Variants in POLN observed in about 807,000 individuals in gnomAD.
POLN encodes the protein DNA polymerase N.
A neutral mutation model predicts 113.5 loss-of-function variants in POLN; 108 were observed. That is an observed-to-expected ratio of 0.95 (90% CI 0.81 to 1.12). The LOEUF (loss-of-function observed/expected upper bound fraction) is 1.12, where lower values mean the gene tolerates loss of function less well. Ranked by LOEUF, POLN falls within the 50% of genes most tolerant of loss-of-function variation. The pLI is 0.00. For synonymous variants in POLN, 386 were observed against 391.5 expected, an observed-to-expected ratio of 0.99 and a Z score of 0.17; for missense variants, 1,097 against 1,077.1, an observed-to-expected ratio of 1.02 and a Z score of -0.26.
chr4:2,142,513 G>GT (rs1419235281), intron 16 of POLN, among the ~76,000 whole-genome samples: 2 of 152,216 alleles, frequency 1.3e-5, no homozygotes, highest in African/African-American at 4.8e-5. Flanking sequence ...CTGGGCAAGT[G>GT]TAAGAGACTC....
intron 19 of POLN, among the ~76,000 whole-genome samples, chr4:2,112,820 C>T: frequency 6.6e-6 from 1 of 152,166 alleles, no homozygotes; most frequent in East Asian, 1.9e-4. Context: ...TTGTGGAAGT[C>T]AGTGTGGCGA....
intron 15 of POLN, 45 bp from the exon 16 acceptor site, chr4:2,156,898 G>T (rs754386806): frequency 1.3e-6 from 2 of 1,489,028 alleles, no homozygotes; most frequent in African/African-American, 1.4e-5. Flanking sequence ...GCAATGCTAT[G>T]TGAAGTTAAG....
intron 19 of POLN, among the ~76,000 whole-genome samples, chr4:2,119,162 C>T (rs927312192): frequency 6.6e-6 from 1 of 152,172 alleles, no homozygotes; most frequent in African/African-American, 2.4e-5. Flanking sequence ...CAGAGAAGCA[C>T]TCCAAAACCA....
intron 16 of POLN, among the ~76,000 whole-genome samples, chr4:2,133,724 T>C (rs890796240): frequency 6.6e-6 from 1 of 152,208 alleles, no homozygotes. Flanking sequence ...TTGTTTCAGG[T>C]CAGCATCTCT....
intron 13 of POLN, among the ~76,000 whole-genome samples, chr4:2,160,558 C>A (rs974992829): frequency 2.0e-5 from 3 of 152,072 alleles, no homozygotes; most frequent in African/African-American, 4.8e-5. Context: ...CAGGTGCACA[C>A]AACCATGTCT....
chr4:2,114,040 T>C (rs1198446434), intron 19 of POLN, among the ~76,000 whole-genome samples: 4 of 151,440 alleles, frequency 2.6e-5, no homozygotes, highest in South Asian at 2.1e-4. Flanking sequence ...GCCTGCACTA[T>C]AGGCACACAC....
intron 20 of POLN, among the ~76,000 whole-genome samples, chr4:2,092,079 G>C (rs1730680253): frequency 2.0e-5 from 3 of 152,182 alleles, no homozygotes; most frequent in Admixed American, 2.0e-4. Flanking sequence ...CCTGGGCTGG[G>C]TCCCTCCCCT....
intron 21 of POLN, among the ~76,000 whole-genome samples, chr4:2,083,837 G>C (rs926772738): frequency 6.6e-6 from 1 of 152,286 alleles, no homozygotes; most frequent in African/African-American, 2.4e-5. Flanking sequence ...TGGAGGAAGA[G>C]CGGTGGAGGC....
intron 21 of POLN, among the ~76,000 whole-genome samples, chr4:2,084,486 C>T (rs1314416250): frequency 3.3e-5 from 5 of 152,342 alleles, no homozygotes; most frequent in African/African-American, 1.2e-4. Context: ...GTAAGCTCCA[C>T]GGGAGCAAGC....
In POLN at chr4:2,080,960, G is replaced by A. The variant is rs764782893; in HGVS notation, c.2385C>T (p.Ala795=). The change falls in exon 23 of 26, where the codon GCC becomes GCT. Residue 795 remains alanine, a splice_region_variant and synonymous_variant. Transcript: ENST00000511885. ...CTGGGAGACCACCACCCACTGACCT[G>A]GCCGTCAAGGTGTGGGAAGCAGCCA... The part of the protein sequence containing the change: ...TAVAASHTLT[A]RLVAQIHDEL... 7 of 1,613,860 alleles carry A rather than the reference G, an allele frequency of 4.3e-6. No individual in the cohort carries two copies. The South Asian group carries it at 7.7e-5, about 18-fold the overall frequency.
chr4:2,137,952 C>T (rs1000746954), intron 16 of POLN, among the ~76,000 whole-genome samples: 1 of 152,146 alleles, frequency 6.6e-6, no homozygotes, highest in African/African-American at 2.4e-5. Context: ...GATTCTCCTG[C>T]CTCAGCCTCC....
chr4:2,083,126 T>C (rs1730466753), intron 21 of POLN: 1 of 152,160 alleles, frequency 6.6e-6, no homozygotes, highest in Admixed American at 6.5e-5. Flanking sequence ...CCTAGTCCCG[T>C]AGCGTTTCAC....
In POLN at chr4:2,226,012, C is replaced by T. The variant is rs28538743; in HGVS notation, c.133+3087G>A. Among the ~76,000 whole-genome samples the T allele has an allele frequency of 2.0e-5, 3 of 151,952 alleles. No homozygotes were observed. The East Asian group carries it at 5.8e-4, about 29-fold the overall frequency. On this transcript the variant is annotated intron_variant, in intron 3 of 25. Transcript: ENST00000511885. ...TCGAAAAAAAAAAAAGTAAGTTTAT[C>T]TCTCTCCCATGTTCTGAGGTGAATG...
At chr4:2,150,094 C>CAAAAACA (rs1436532828) in intron 16 of POLN, among the ~76,000 whole-genome samples, 12 of 151,212 alleles carry the variant, frequency 7.9e-5, no homozygotes, top group African/African-American at 2.7e-4. Flanking sequence ...AAAACAAAAA[C>CAAAAACA]AAAAACAAAA....
In POLN at chr4:2,165,604, C is replaced by T. The variant is rs925374080; in HGVS notation, c.1554+5075G>A. Among the ~76,000 whole-genome samples, 3 of 151,590 alleles carry T rather than the reference C, an allele frequency of 2.0e-5. No homozygotes were observed. The East Asian group carries it at 5.8e-4, about 29-fold the overall frequency. ...ATATTGTGTAACTACGGACTCTGGG[C>T]GATAACGATGTATCAGTGTGGGTTC... is the stretch of plus-strand genomic sequence containing the variant. On this transcript the variant is annotated intron_variant, in intron 13 of 25. Coordinates refer to ENST00000511885, the MANE Select transcript of POLN (RefSeq NM_181808.4).
At chr4:2,163,796 T>C (rs1448429691) in intron 13 of POLN, among the ~76,000 whole-genome samples, 2 of 152,176 alleles carry the variant, frequency 1.3e-5, no homozygotes, top group South Asian at 2.1e-4. Context: ...TTAGTAAAAA[T>C]CAGCTGGCAG....
At chr4:2,168,846 G>A (rs1182760520) in intron 13 of POLN, among the ~76,000 whole-genome samples, 2 of 152,248 alleles carry the variant, frequency 1.3e-5, no homozygotes, top group African/African-American at 4.8e-5. Flanking sequence ...TTCAGCACCA[G>A]GAGCTGGTTT....
chr4:2,239,462 T>A (rs1734893129), intron 2 of POLN, among the ~76,000 whole-genome samples: 1 of 152,222 alleles, frequency 6.6e-6, no homozygotes. Flanking sequence ...AAATGTTTTG[T>A]CAGCTATAGA....
At chr4:2,131,416 C>A in intron 16 of POLN, 126 bp from the exon 17 acceptor site, 1 of 593,386 alleles carries the variant, frequency 1.7e-6, no homozygotes, top group African/African-American at 1.9e-5. Context: ...CATGCATAAG[C>A]ACATTAATAC....
Sources: allele counts gnomAD v4.1 joint callset (sites outside exome capture counted in the v4.1 genomes callset), GRCh38; gene constraint gnomAD v4.1.1; transcripts MANE v1.5; gene names NCBI Gene and HGNC (gene_info 2026-07-23, HGNC 2026-07-21).